Variants in HAVCR1 observed in about 807,000 individuals in gnomAD.
The protein encoded by HAVCR1 is T cell immunoglobin domain and mucin domain protein 1.
A neutral mutation model predicts 32.0 loss-of-function variants in HAVCR1; 34 were observed. The ratio of observed to expected loss-of-function variants is 1.06; its 90% CI spans 0.81 to 1.42. HAVCR1 has a LOEUF of 1.42. Among genes scored for constraint, HAVCR1 ranks in the 40% most tolerant of loss-of-function variants. The pLI is 0.00. For missense variants in HAVCR1, 420 were observed against 442.3 expected, an observed-to-expected ratio of 0.95 and a Z score of 0.45; for synonymous variants, 178 against 170.3, an observed-to-expected ratio of 1.05 and a Z score of -0.35.
rs76133899 is a variant in HAVCR1, at chr5:157,029,891, C to G, written c.987-50G>C. 1,785 of 1,508,992 alleles carry G rather than the reference C, an allele frequency of 1.2e-3. 19 individuals carry two copies. The African/African-American group carries it at 0.019, about 16-fold the overall frequency. The allele number at this position is 1,508,992 out of a possible 1,614,324, so 93.5% of individuals were successfully genotyped here. ...AACATGAGTAAGAAAAAAAGCAGAC[C>G]ACTTCTCACATATAAGCTGCACTTT... On this transcript the variant is annotated intron_variant, in intron 8 of 8. Transcript: ENST00000523175.
chr5:157,046,738 T>C (rs1246104617), intron 5 of HAVCR1, among the ~76,000 whole-genome samples: 1 of 152,118 alleles, frequency 6.6e-6, no homozygotes, highest in Non-Finnish European at 1.5e-5. Context: ...TTTGTTCTTA[T>C]ATGGGGGAAG....
intron 5 of HAVCR1, among the ~76,000 whole-genome samples, chr5:157,044,480 GA>G (rs1473862621): frequency 2.6e-5 from 1 of 38,000 alleles, no homozygotes; most frequent in Admixed American, 3.8e-4. Context: ...AGGAAGGAAG[GA>G]AGGAAGGAAG....
At chr5:157,049,454 C>G (rs916958476) in intron 4 of HAVCR1, among the ~76,000 whole-genome samples, 4 of 152,218 alleles carry the variant, frequency 2.6e-5, no homozygotes, top group African/African-American at 9.6e-5. Flanking sequence ...ACTTTCTATA[C>G]TCCCAGGTTC....
At chr5:157,039,197 T>A (rs916567168) in intron 6 of HAVCR1, among the ~76,000 whole-genome samples, 1 of 152,212 alleles carries the variant, frequency 6.6e-6, no homozygotes, top group Non-Finnish European at 1.5e-5. Context: ...TTTTATAGAA[T>A]TTTATCCTTC....
chr5:157,057,394 A>G (rs867642015), intron 2 of HAVCR1, among the ~76,000 whole-genome samples: 179 of 9,850 alleles, frequency 0.018, no homozygotes, highest in African/African-American at 0.045. Flanking sequence ...GAGGAAAGAA[A>G]GAAAGAAAGA....
At chr5:157,063,474 G>A (rs151007371), upstream of HAVCR1, among the ~76,000 whole-genome samples, 268 of 152,048 alleles carry the variant, frequency 1.8e-3, 1 homozygote, top group African/African-American at 6.2e-3. Context: ...TAGCAGAGAC[G>A]GGGTTTCACC....
intron 4 of HAVCR1, among the ~76,000 whole-genome samples, chr5:157,050,780 C>T (rs1755691899): frequency 6.6e-6 from 1 of 152,212 alleles, no homozygotes; most frequent in Admixed American, 6.5e-5. Context: ...TGGAACAAAA[C>T]TGTTTTTCTT....
At chr5:157,034,971 CTCTT>C (rs1293246365) in intron 7 of HAVCR1, among the ~76,000 whole-genome samples, 6 of 152,048 alleles carry the variant, frequency 3.9e-5, no homozygotes, top group Non-Finnish European at 7.4e-5. Context: ...AGTCTGATCT[CTCTT>C]TCTTTTCCCC....
chr5:157,054,142 C>G (rs1365678093), intron 3 of HAVCR1, among the ~76,000 whole-genome samples: 1 of 149,438 alleles, frequency 6.7e-6, no homozygotes, highest in Admixed American at 6.7e-5. Flanking sequence ...AGCAATCACA[C>G]CACCGCACTC....
intron 6 of HAVCR1, among the ~76,000 whole-genome samples, chr5:157,037,868 G>T (rs1469051717): frequency 2.0e-5 from 3 of 152,000 alleles, no homozygotes; most frequent in African/African-American, 4.8e-5. Flanking sequence ...ACAAAAATCA[G>T]CTGGGTGTGG....
upstream of HAVCR1, among the ~76,000 whole-genome samples, chr5:157,061,126 G>A (rs1436354745): frequency 6.6e-6 from 1 of 152,018 alleles, no homozygotes; most frequent in African/African-American, 2.4e-5. Flanking sequence ...TGGAACTCCT[G>A]GCCTCAAGTG....
At chr5:157,033,897 A>T (rs1233652276) in intron 7 of HAVCR1, among the ~76,000 whole-genome samples, 4 of 152,068 alleles carry the variant, frequency 2.6e-5, no homozygotes, top group Admixed American at 2.6e-4. Context: ...TACTAAAAAC[A>T]CGAAAATCAT....
In HAVCR1 at chr5:157,033,479, C is replaced by T. The variant is rs1423248710; in HGVS notation, c.953-592G>A. Among the ~76,000 whole-genome samples the T allele has an allele frequency of 2.6e-5, 4 of 151,620 alleles. No individual in the cohort carries two copies. The South Asian group carries it at 8.4e-4, about 32-fold the overall frequency. The stretch of plus-strand genomic sequence containing the variant: ...TTAGGAAAGGGCTTTCTCTGAAGCT[C>T]CCCTATCTAGCTAAAGGCCAGATCC... On this transcript the variant is annotated intron_variant, in intron 7 of 8. Transcript: ENST00000523175.
the HAVCR1 span, among the ~76,000 whole-genome samples, chr5:157,068,890 C>T: frequency 3.3e-5 from 5 of 152,176 alleles, no homozygotes; most frequent in Non-Finnish European, 7.4e-5. Flanking sequence ...GGATTATAGG[C>T]ATGAGCCACC....
Position 157,052,595 on chromosome 5 carries a change from T to C in HAVCR1, c.439A>G (p.Ser147Gly). The part of the protein sequence containing the change: ...TVPTVTTVRT[S>G]TTVPTTTTVP... ...GTCGTTGTCGTTGGAACAGTGGTGC[T>C]CGTTCGAACAGTCGTGACGGTTGGA... is the stretch of plus-strand genomic sequence containing the variant. The change falls in exon 4 of 9, where the codon AGC (serine) becomes GGC (glycine). Residue 147 changes from serine to glycine, a missense_variant. Transcript: ENST00000523175. 2 of 1,612,246 alleles carry C rather than the reference T, an allele frequency of 1.2e-6. No homozygotes were observed. The highest frequency in any genetic ancestry group is 2.2e-5 in the East Asian group (1 of 44,844).
intron 5 of HAVCR1, 73 bp from the exon 6 acceptor site, chr5:157,042,755 T>C: frequency 1.1e-6 from 1 of 879,152 alleles, no homozygotes; most frequent in South Asian, 1.4e-5. Flanking sequence ...CTAAATATAT[T>C]CACATTACCT....
At chr5:157,039,914 A>G (rs1305991170) in intron 6 of HAVCR1, among the ~76,000 whole-genome samples, 1 of 152,172 alleles carries the variant, frequency 6.6e-6, no homozygotes, top group African/African-American at 2.4e-5. Context: ...AGAAAGCCCA[A>G]GTTTCTGCTA....
In HAVCR1 at chr5:157,052,534, GGAAC is replaced by G. The variant is rs748485246; in HGVS notation, c.496_499del (p.Val166GlnfsTer4). ...TGTCGTTGGAATGCTCATTGTTGTT[GGAAC>G]AGTTGTCGTTGGAACAGTCGTCATT... is the stretch of plus-strand genomic sequence containing the variant. On this transcript the variant is annotated frameshift_variant, in exon 4 of 9. Coordinates refer to ENST00000523175, the MANE Select transcript of HAVCR1 (RefSeq NM_001173393.3). LOFTEE classifies it high-confidence loss of function. 2 of 1,584,186 alleles carry G rather than the reference GGAAC, an allele frequency of 1.3e-6. No individual in the cohort carries two copies. Among genetic ancestry groups the G allele is most frequent in the Non-Finnish European group, 1.7e-6 (2 of 1,167,568 alleles).
At chr5:157,038,280 T>A (rs1754660051) in intron 6 of HAVCR1, among the ~76,000 whole-genome samples, 1 of 152,210 alleles carries the variant, frequency 6.6e-6, no homozygotes, top group Non-Finnish European at 1.5e-5. Flanking sequence ...CATCACCTCC[T>A]GGAATAGGCC....
Sources: allele counts gnomAD v4.1 joint callset (sites outside exome capture counted in the v4.1 genomes callset), GRCh38; gene constraint gnomAD v4.1.1; transcripts MANE v1.5; gene names NCBI Gene and HGNC (gene_info 2026-07-23, HGNC 2026-07-21).